Variants in TRIP11 observed in about 807,000 individuals in gnomAD.
TRIP11 encodes thyroid receptor-interacting protein 11.
In TRIP11, 148 loss-of-function variants were observed where a neutral mutation model predicts 223.1. The observed-to-expected ratio is 0.66, with a 90% confidence interval of 0.58 to 0.76. The LOEUF is 0.76. TRIP11 is among the 30% of genes least tolerant of loss of function. TRIP11 has a pLI of 0.00. For synonymous variants in TRIP11, 762 were observed against 772.6 expected (o/e 0.99, Z 0.23); for missense variants, 2,043 against 2,222.0 (o/e 0.92, Z 1.62).
intron 4 of TRIP11, among the ~76,000 whole-genome samples, chr14:92,018,068 C>T (rs2057058513): frequency 6.6e-6 from 1 of 150,556 alleles, no homozygotes; most frequent in East Asian, 1.9e-4. Flanking sequence ...AATTGAGCAG[C>T]TTTCTAAAAG....
At chr14:91,989,173 C>G (rs1356735647) in intron 15 of TRIP11, among the ~76,000 whole-genome samples, 1 of 152,120 alleles carries the variant, frequency 6.6e-6, no homozygotes, top group Non-Finnish European at 1.5e-5. Context: ...ATAGTTAAAT[C>G]TTTAACACAG....
intron 18 of TRIP11, 112 bp from the exon 19 acceptor site, chr14:91,974,855 G>T: frequency 1.1e-6 from 1 of 911,424 alleles, no homozygotes; most frequent in Non-Finnish European, 1.7e-6. Context: ...TCAAGTTCAA[G>T]TCCTAGTAAA....
rs562153368 is a variant in TRIP11 at position 91,978,063 on chromosome 14, G to A, written c.5261-1874C>T. ...AGAGAGAGAAGGGGAGAGAGAGGGC[G>A]AAAAGGTGGGGGTGGACAGGACTAT... On this transcript the variant is annotated intron_variant, in intron 16 of 20. Coordinates refer to ENST00000267622, the MANE Select transcript of TRIP11 (RefSeq NM_004239.4). The surrounding 1 kb of genome is among the most constrained non-coding windows in gnomAD (Gnocchi z 4.4). Among the ~76,000 whole-genome samples, 6 of 152,026 alleles carry A rather than the reference G, an allele frequency of 3.9e-5. No individual in the cohort carries two copies. The highest frequency in any genetic ancestry group is 7.4e-5 in the Non-Finnish European group (5 of 67,996).
intron 15 of TRIP11, among the ~76,000 whole-genome samples, chr14:91,993,476 CAAAAAAA>C (rs59244424): frequency 9.7e-5 from 5 of 51,776 alleles, no homozygotes; most frequent in South Asian, 5.8e-4. Flanking sequence ...AACTCGGTCT[CAAAAAAA>C]AAAAAAAAAA....
Position 92,006,210 on chromosome 14 carries a change from A to G in TRIP11, c.1766T>C (p.Val589Ala). The change falls in exon 11 of 21, where the codon GTA (valine) becomes GCA (alanine). Residue 589 changes from valine to alanine, a missense_variant. Physicochemically the swap from Val to Ala is moderately conservative, Grantham distance 64. Transcript: ENST00000267622. Reference protein sequence around the residue: ...QKLEDKVENLVDQLNKSQESN... With the variant: ...QKLEDKVENLADQLNKSQESN... ...TTCTTGTGATTTATTTAGCTGATCT[A>G]CTAAATTTTCTACTTTGTCCTCAAG... 1.2e-6 allele frequency: 2 copies of G among 1,613,294 alleles called. No homozygotes were observed. The highest frequency in any genetic ancestry group is 2.2e-5 in the South Asian group (2 of 90,960).
At position 92,026,821 on chromosome 14, in the gene TRIP11, G is replaced by C. The variant is rs141766356; in HGVS notation, c.202-1401C>G. The stretch of plus-strand genomic sequence containing the variant: ...AAGCTGAGTCAGCTACCGGCAAGTG[G>C]GCAGCTGAAGATGATGAGGATGACG... On this transcript the variant is annotated intron_variant, in intron 2 of 20. Transcript: ENST00000267622. 1.7e-5 allele frequency: 24 copies of C among 1,386,940 alleles called. No individual in the cohort carries two copies. The African/African-American group carries it at 3.0e-4, about 17-fold the overall frequency. The allele number at this position is 1,386,940 out of a possible 1,614,324, so 85.9% of individuals were successfully genotyped here. A position where few individuals can be genotyped will look rare whatever the true frequency, so the allele number is the denominator to read the frequency against.
In TRIP11 at chr14:91,993,805, C is replaced by G; in HGVS notation, c.5160+4G>C. The stretch of plus-strand genomic sequence containing the variant: ...ACCTACAAGAGAAAACTATTTTGTC[C>G]TACCTGTAATGATATCACTTTTCCT... On this transcript the variant is annotated splice_donor_region_variant and intron_variant, in intron 15 of 20. Transcript: ENST00000267622. 6.2e-7 allele frequency: 1 copy of G among 1,606,590 alleles called. No homozygotes were observed. The highest frequency in any genetic ancestry group is 8.5e-7 in the Non-Finnish European group (1 of 1,173,624).
At chr14:91,989,866 T>C (rs2056651307) in intron 15 of TRIP11, among the ~76,000 whole-genome samples, 1 of 152,186 alleles carries the variant, frequency 6.6e-6, no homozygotes, top group Non-Finnish European at 1.5e-5. Flanking sequence ...AATTCCTTCT[T>C]TGGACCGCAG....
intron 15 of TRIP11, among the ~76,000 whole-genome samples, chr14:91,992,908 C>CAAAAAAAAAA (rs550702989): frequency 2.1e-4 from 6 of 29,256 alleles, no homozygotes; most frequent in Admixed American, 7.6e-4. Context: ...GACTCCGTCT[C>CAAAAAAAAAA]AAAAAAAAAA....
chr14:91,973,627 T>C (rs1198490055), intron 19 of TRIP11, among the ~76,000 whole-genome samples: 2 of 152,226 alleles, frequency 1.3e-5, no homozygotes, highest in Non-Finnish European at 2.9e-5. Context: ...AATAATGTAG[T>C]GTAGACCTTT....
chr14:91,992,457 C>T (rs2056686530), intron 15 of TRIP11, among the ~76,000 whole-genome samples: 1 of 152,086 alleles, frequency 6.6e-6, no homozygotes, highest in Non-Finnish European at 1.5e-5. Context: ...AATTGTTTTG[C>T]AGCCATTTAA....
intron 2 of TRIP11, among the ~76,000 whole-genome samples, chr14:92,025,670 A>C (rs1264017064): frequency 6.6e-6 from 1 of 152,152 alleles, no homozygotes; most frequent in African/African-American, 2.4e-5. Context: ...TGAGGTCAGG[A>C]GATCGAGACC....
intron 16 of TRIP11, among the ~76,000 whole-genome samples, chr14:91,984,949 T>G (rs2056587308): frequency 6.6e-6 from 1 of 152,230 alleles, no homozygotes. Context: ...ATAGCAGTAA[T>G]TCTTTTAACA....
chr14:92,005,842 C>T lies in TRIP11; in HGVS notation c.2134G>A (p.Glu712Lys), dbSNP rs143524436. ...TCTCCTTTTTCCATTTTTAGAGTCT[C>T]CACAATAGTGTTTTTTTCCAGAGAA... ...QLSLEKNTIVETLKMEKGEIE... is the reference protein window; with the variant it reads ...QLSLEKNTIVKTLKMEKGEIE... Residue 712 changes from glutamate (E) to lysine (K), a missense_variant, in exon 11 of 21, where the codon GAG becomes AAG. Coordinates refer to ENST00000267622, the MANE Select transcript of TRIP11 (RefSeq NM_004239.4). 8.9e-3 allele frequency: 14,294 copies of T among 1,614,040 alleles called. 99 individuals are homozygous for T. Among genetic ancestry groups the T allele is most frequent in the Non-Finnish European group, 9.4e-3 (11,132 of 1,180,012 alleles).
rs547805058 is a variant in TRIP11 at position 91,967,135 on chromosome 14, CTTTTTTTTTTTTTTTT to C, written c.*2522_*2537del. The C allele has an allele frequency of 1.2e-5, 1 of 85,354 alleles. No individual in the cohort carries two copies. The highest frequency in any genetic ancestry group is 6.1e-5 in the African/African-American group (1 of 16,414). The allele number at this position is 85,354 out of a possible 1,614,324, so 5.3% of individuals were successfully genotyped here. A position where few individuals can be genotyped will look rare whatever the true frequency, so the allele number is the denominator to read the frequency against. ...ACAATGAAAACATTAGGTACTATAG[CTTTTTTTTTTTTTTTT>C]TTTTTTTTGAGACAGAGTCTCGCTC... On this transcript the variant is annotated 3_prime_UTR_variant, in exon 21 of 21. Coordinates refer to ENST00000267622, the MANE Select transcript of TRIP11 (RefSeq NM_004239.4).
intron 8 of TRIP11, 60 bp from the exon 9 acceptor site, chr14:92,011,132 C>G: frequency 3.4e-6 from 5 of 1,450,616 alleles, no homozygotes; most frequent in Non-Finnish European, 4.8e-6. Context: ...TATAAAAAAG[C>G]TGGCAATCTA....
chr14:92,020,098 A>T (rs1234570013), intron 4 of TRIP11, among the ~76,000 whole-genome samples: 1 of 152,014 alleles, frequency 6.6e-6, no homozygotes, highest in Admixed American at 6.6e-5. Flanking sequence ...AAGTACAAAA[A>T]AACATTAGCC....
intron 13 of TRIP11, among the ~76,000 whole-genome samples, chr14:91,996,254 T>G (rs1443861434): frequency 6.6e-6 from 1 of 152,260 alleles, no homozygotes; most frequent in African/African-American, 2.4e-5. Flanking sequence ...TCAAAGAAAC[T>G]TGAAGAGTTC....
At chr14:92,038,629 T>TA (rs3835249) in intron 1 of TRIP11, among the ~76,000 whole-genome samples, 35,570 of 147,966 alleles carry the variant, frequency 0.24, 4,238 homozygotes, top group East Asian at 0.33. Flanking sequence ...AATTAGCAAT[T>TA]AAAAAAAAAA....
Sources: gnomAD v4.1 joint callset for allele counts (sites outside exome capture counted in the v4.1 genomes callset) on GRCh38, gnomAD v4.1.1 for gene constraint, Gnocchi (gnomAD v3.1) non-coding constraint, MANE v1.5 for transcripts, NCBI Gene and HGNC (gene_info 2026-07-23, HGNC 2026-07-21) for gene names.